Variants in ACTN2 observed in about 807,000 individuals in gnomAD.
The protein encoded by ACTN2 is alpha-actinin-2.
A neutral mutation model predicts 113.8 loss-of-function variants in ACTN2; 39 were observed. The observed-to-expected ratio is 0.34, with a 90% CI of 0.27 to 0.45. The LOEUF (loss-of-function observed/expected upper bound fraction) is 0.45. Ranked by LOEUF, ACTN2 falls within the 20% of genes least tolerant of loss-of-function variation. ACTN2 has a pLI of 1.00. For synonymous variants in ACTN2, 429 were observed against 444.1 expected, an observed-to-expected ratio of 0.97 and a Z score of 0.43; for missense variants, 992 against 1,177.9, an observed-to-expected ratio of 0.84 and a Z score of 2.31.
intron 12 of ACTN2, among the ~76,000 whole-genome samples, chr1:236,746,326 AT>A (rs1474104863): frequency 6.6e-6 from 1 of 152,080 alleles, no homozygotes; most frequent in Non-Finnish European, 1.5e-5. Flanking sequence ...ATGGTTCTTG[AT>A]TTATATCTGA....
At chr1:236,715,673 A>C (rs1658180069) in intron 1 of ACTN2, among the ~76,000 whole-genome samples, 1 of 152,158 alleles carries the variant, frequency 6.6e-6, no homozygotes, top group Non-Finnish European at 1.5e-5. Flanking sequence ...ATATGGCTTA[A>C]GACCGAGTGT....
chr1:236,734,586 T>C, intron 7 of ACTN2: 1 of 1,140,574 alleles, frequency 8.8e-7, no homozygotes, highest in Non-Finnish European at 1.2e-6. Context: ...TTTCAATTGT[T>C]TTCCTCTTTT....
chr1:236,762,123 C>T (rs1010319604), intron 20 of ACTN2, among the ~76,000 whole-genome samples: 1 of 152,144 alleles, frequency 6.6e-6, no homozygotes. Context: ...TCCTATTTCC[C>T]ACTGAACTTT....
At chr1:236,734,135 A>T (rs1312442994) in intron 7 of ACTN2, among the ~76,000 whole-genome samples, 1 of 152,132 alleles carries the variant, frequency 6.6e-6, no homozygotes, top group African/African-American at 2.4e-5. Context: ...ACTCTGTTCA[A>T]TTCCGAGGGC....
At chr1:236,732,614 T>C (rs895672363) in intron 7 of ACTN2, among the ~76,000 whole-genome samples, 2 of 151,640 alleles carry the variant, frequency 1.3e-5, no homozygotes, top group Non-Finnish European at 2.9e-5. Context: ...AGCTACTTTT[T>C]GTTTTTTTAG....
intron 7 of ACTN2, among the ~76,000 whole-genome samples, chr1:236,735,183 G>T (rs1026841308): frequency 6.6e-6 from 1 of 152,220 alleles, no homozygotes; most frequent in African/African-American, 2.4e-5. Context: ...GGAAGGGGAA[G>T]TGGGAAGACA....
chr1:236,690,552 AG>A (rs760489894), intron 1 of ACTN2, among the ~76,000 whole-genome samples: 1 of 152,186 alleles, frequency 6.6e-6, no homozygotes, highest in Non-Finnish European at 1.5e-5. Context: ...CTTAACTCAC[AG>A]GGTTTTTTGT....
rs762515240 is a variant in ACTN2 at position 236,727,711 on chromosome 1, C to T, written c.570C>T (p.Ile190=). ...ATGGCCTTGGACTCTGTGCCCTCAT[C>T]CACCGACACCGGCCTGACCTCATTG... is the stretch of plus-strand genomic sequence containing the variant. The part of the protein sequence containing the change: ...WKDGLGLCAL[I]HRHRPDLIDY... Residue 190 remains isoleucine (I), a synonymous_variant, in exon 6 of 21, where the codon ATC becomes ATT. Coordinates refer to ENST00000366578, the MANE Select transcript of ACTN2 (RefSeq NM_001103.4). The T allele has an allele frequency of 1.2e-6, 2 of 1,614,054 alleles. No individual in the cohort carries two copies. The highest frequency in any genetic ancestry group is 1.7e-5 in the Admixed American group (1 of 60,006).
chr1:236,761,373 AT>A lies in ACTN2; in HGVS notation c.2526+202del, dbSNP rs1659703116. Among the ~76,000 whole-genome samples the A allele has an allele frequency of 2.0e-5, 3 of 152,300 alleles. No individual in the cohort carries two copies. The South Asian group carries it at 6.2e-4, about 32-fold the overall frequency. On this transcript the variant is annotated intron_variant, in intron 20 of 20. Transcript: ENST00000366578. The stretch of plus-strand genomic sequence containing the variant: ...AGGAAACAGACATGCCATTCCTGGC[AT>A]TCGTGCTTGGCCTTGCATTGAGTTT...
In ACTN2 at chr1:236,761,008, G is replaced by GC; in HGVS notation, c.2368-3dup. ...CGTGTACATGTTTCTTTGCCACTTT[G>GC]CCCCAGGGTGAAGCCGAATTTGCCC... On this transcript the variant is annotated splice_region_variant and splice_polypyrimidine_tract_variant and intron_variant, in intron 19 of 20. Coordinates refer to ENST00000366578, the MANE Select transcript of ACTN2 (RefSeq NM_001103.4). 6.2e-7 allele frequency: 1 copy of GC among 1,614,148 alleles called. No individual in the cohort carries two copies. Among genetic ancestry groups the GC allele is most frequent in the Non-Finnish European group, 8.5e-7 (1 of 1,180,026 alleles).
At chr1:236,742,350 G>A (rs1182703908) in intron 10 of ACTN2, among the ~76,000 whole-genome samples, 2 of 152,090 alleles carry the variant, frequency 1.3e-5, no homozygotes, top group Admixed American at 1.3e-4. Flanking sequence ...CATGCTAGAT[G>A]CCCAGTAATT....
At chr1:236,724,797 G>A (rs1352872861) in intron 4 of ACTN2, among the ~76,000 whole-genome samples, 1 of 151,768 alleles carries the variant, frequency 6.6e-6, no homozygotes. Flanking sequence ...ACGTCTGAGC[G>A]GCACATTTTT....
intron 1 of ACTN2, among the ~76,000 whole-genome samples, chr1:236,696,811 G>A (rs1469128426): frequency 2.6e-5 from 4 of 151,916 alleles, no homozygotes; most frequent in African/African-American, 9.7e-5. Flanking sequence ...GACTACAGGC[G>A]TGCGCCACCA....
chr1:236,759,761 C>T lies in ACTN2; in HGVS notation c.2339C>T (p.Ala780Val), dbSNP rs1659652734. 1.2e-6 allele frequency: 2 copies of T among 1,613,904 alleles called. No homozygotes were observed. The highest frequency in any genetic ancestry group is 1.3e-5 in the African/African-American group (1 of 74,878). The change falls in exon 19 of 21, where the codon GCC (alanine) becomes GTC (valine). Residue 780 changes from alanine to valine, a missense_variant. Coordinates refer to ENST00000366578, the MANE Select transcript of ACTN2 (RefSeq NM_001103.4). ...CTGATGGATCATGAGGATTTCAGAG[C>T]CTGCCTGATTTCCATGGGTTATGAC... ...NGLMDHEDFR[A>V]CLISMGYDLG...
At chr1:236,737,297 G>GTATATATATATATATATATA in intron 9 of ACTN2, 83 bp downstream of exon 9, 4,041 of 322,040 alleles carry the variant, frequency 0.013, 1,406 homozygotes, top group Non-Finnish European at 0.016. Context: ...CTCCGTGGGG[G>GTATATATATATATATATATA]CATATATATA....
intron 7 of ACTN2, among the ~76,000 whole-genome samples, chr1:236,731,805 A>G (rs1270389122): frequency 6.6e-6 from 1 of 152,196 alleles, no homozygotes; most frequent in Non-Finnish European, 1.5e-5. Flanking sequence ...ACTTTCACAT[A>G]TTGTTTTTAA....
intron 14 of ACTN2, 59 bp from the exon 15 acceptor site, chr1:236,751,411 A>C: frequency 6.3e-7 from 1 of 1,594,564 alleles, no homozygotes; most frequent in Non-Finnish European, 8.6e-7. Flanking sequence ...GGAATATCAA[A>C]GCCTTTGAAA....
At chr1:236,688,775 G>C (rs902637917) in intron 1 of ACTN2, among the ~76,000 whole-genome samples, 1 of 152,152 alleles carries the variant, frequency 6.6e-6, no homozygotes, top group African/African-American at 2.4e-5. Context: ...TGAACTGTGA[G>C]CTCAGTGTGG....
At chr1:236,741,287 A>G (rs1420858755) in intron 10 of ACTN2, among the ~76,000 whole-genome samples, 1 of 151,820 alleles carries the variant, frequency 6.6e-6, no homozygotes, top group Non-Finnish European at 1.5e-5. Flanking sequence ...CGATCCTCCC[A>G]CCTCAGCCTC....
Sources: gnomAD v4.1 joint callset for allele counts (sites outside exome capture counted in the v4.1 genomes callset) on GRCh38, gnomAD v4.1.1 for gene constraint, MANE v1.5 for transcripts, NCBI Gene and HGNC (gene_info 2026-07-23, HGNC 2026-07-21) for gene names.